Variants in PHTF2 observed in about 807,000 individuals in gnomAD.
The protein encoded by PHTF2 is putative homeodomain transcription factor 2.
PHTF2 carries 60 observed loss-of-function variants against 101.2 expected under a neutral mutation model. The observed-to-expected ratio is 0.59, with a 90% confidence interval of 0.48 to 0.73. PHTF2 has a LOEUF of 0.73. PHTF2 is among the 30% of genes least tolerant of loss of function. PHTF2 has a pLI of 0.00. For missense variants in PHTF2, 747 were observed against 908.7 expected (o/e 0.82, Z 2.29); for synonymous variants, 311 against 307.3 (o/e 1.01, Z -0.13).
intron 7 of PHTF2, among the ~76,000 whole-genome samples, chr7:77,905,365 A>G (rs1801758778): frequency 6.6e-6 from 1 of 152,010 alleles, no homozygotes; most frequent in African/African-American, 2.4e-5. Context: ...AGCTAGGACT[A>G]TAGGAGCACG....
chr7:77,817,475 C>T (rs190514816), intron 1 of PHTF2, among the ~76,000 whole-genome samples: 86 of 152,278 alleles, frequency 5.6e-4, no homozygotes, highest in African/African-American at 2.0e-3. Context: ...TCCTTCTTCA[C>T]ATGGCAGCAG....
intron 3 of PHTF2, chr7:77,854,847 A>G: frequency 1.3e-6 from 1 of 756,156 alleles, no homozygotes; most frequent in Admixed American, 1.7e-5. Context: ...GAGTAATGCC[A>G]GGCCTGTTCT....
intron 3 of PHTF2, among the ~76,000 whole-genome samples, chr7:77,876,261 C>T (rs574272871): frequency 5.0e-4 from 76 of 152,332 alleles, no homozygotes; most frequent in African/African-American, 1.7e-3. Context: ...CCAGCAAATG[C>T]TTAATAAATG....
At chr7:77,903,842 T>G (rs1056475131) in intron 7 of PHTF2, among the ~76,000 whole-genome samples, 5 of 152,248 alleles carry the variant, frequency 3.3e-5, no homozygotes, top group Admixed American at 3.3e-4. Flanking sequence ...TGCAGTGCTC[T>G]GAGTTATGTC....
At chr7:77,937,345 A>G (rs898234500) in intron 12 of PHTF2, among the ~76,000 whole-genome samples, 9 of 152,230 alleles carry the variant, frequency 5.9e-5, no homozygotes, top group South Asian at 2.1e-4. Context: ...TAGACTGACA[A>G]CTAAGTACTT....
chr7:77,853,714 TTCTC>T (rs1251162228), intron 2 of PHTF2, among the ~76,000 whole-genome samples: 1 of 151,896 alleles, frequency 6.6e-6, no homozygotes, highest in African/African-American at 2.4e-5. Context: ...AGATTTTTTT[TTCTC>T]TCTCTCTCTT....
At chr7:77,932,621 A>AGAGAGTGTGT (rs759880633) in intron 12 of PHTF2, among the ~76,000 whole-genome samples, 5 of 118,560 alleles carry the variant, frequency 4.2e-5, no homozygotes, top group African/African-American at 1.8e-4. Context: ...AGAGAGAGAG[A>AGAGAGTGTGT]GTGTGTGTGT....
chr7:77,952,799 T>G (rs1162746180), intron 18 of PHTF2, among the ~76,000 whole-genome samples: 1 of 152,202 alleles, frequency 6.6e-6, no homozygotes, highest in Non-Finnish European at 1.5e-5. Context: ...TAGTCAGAAA[T>G]CTGGGACTTA....
At chr7:77,882,356 T>C (rs1799490040) in intron 3 of PHTF2, among the ~76,000 whole-genome samples, 1 of 147,526 alleles carries the variant, frequency 6.8e-6, no homozygotes, top group Non-Finnish European at 1.5e-5. Context: ...TTTCAAATCT[T>C]AAAAAAAAAA....
At chr7:77,935,144 G>C (rs1486056219) in intron 12 of PHTF2, among the ~76,000 whole-genome samples, 2 of 127,286 alleles carry the variant, frequency 1.6e-5, no homozygotes, top group Admixed American at 8.4e-5. Flanking sequence ...CACACACACA[G>C]AGGAATATAG....
chr7:77,816,764 T>G (rs1286297966), intron 1 of PHTF2, among the ~76,000 whole-genome samples: 1 of 152,194 alleles, frequency 6.6e-6, no homozygotes, highest in Non-Finnish European at 1.5e-5. Flanking sequence ...TCCATTCTAC[T>G]TTTTACTTCT....
chr7:77,861,422 T>C (rs1480558435), intron 3 of PHTF2, among the ~76,000 whole-genome samples: 3 of 152,208 alleles, frequency 2.0e-5, no homozygotes, highest in Admixed American at 6.5e-5. Context: ...GTATTTTTTT[T>C]TAAATGATCA....
chr7:77,819,246 C>A (rs186823325), intron 1 of PHTF2, among the ~76,000 whole-genome samples: 1 of 152,276 alleles, frequency 6.6e-6, no homozygotes, highest in Non-Finnish European at 1.5e-5. Context: ...TGACTAATTG[C>A]TCCAACTAGG....
At chr7:77,870,889 C>A (rs1798460557) in intron 3 of PHTF2, among the ~76,000 whole-genome samples, 1 of 152,074 alleles carries the variant, frequency 6.6e-6, no homozygotes, top group Non-Finnish European at 1.5e-5. Context: ...GATGTGAAGT[C>A]AATAAATCTT....
chr7:77,923,635 G>A, intron 11 of PHTF2: 3 of 984,694 alleles, frequency 3.0e-6, no homozygotes, highest in Non-Finnish European at 3.6e-6. Flanking sequence ...CAGTGTGTCT[G>A]CTCTATTGCC....
At chr7:77,818,437 A>G (rs1794024035) in intron 1 of PHTF2, among the ~76,000 whole-genome samples, 1 of 152,244 alleles carries the variant, frequency 6.6e-6, no homozygotes, top group Non-Finnish European at 1.5e-5. Context: ...ATTTTTGTAT[A>G]GGATGAGAGA....
At chr7:77,865,104 C>G (rs941377848) in intron 3 of PHTF2, among the ~76,000 whole-genome samples, 2 of 152,036 alleles carry the variant, frequency 1.3e-5, no homozygotes, top group Non-Finnish European at 2.9e-5. Flanking sequence ...TGCATGGAGA[C>G]AGGGAAAGCT....
At chr7:77,939,986 T>C (rs1297300918) in intron 13 of PHTF2, 44 bp from the exon 13 acceptor site, 18 of 1,415,382 alleles carry the variant, frequency 1.3e-5, no homozygotes, top group Non-Finnish European at 1.7e-5. Context: ...ATTTATGGTA[T>C]AATTTTATTT....
At chr7:77,949,528 T>C in intron 16 of PHTF2, 150 bp from the exon 16 acceptor site, 2 of 554,634 alleles carry the variant, frequency 3.6e-6, no homozygotes, top group South Asian at 4.9e-5. Flanking sequence ...TTATACTCTA[T>C]ACTTTTGATA....
Sources: gnomAD v4.1 joint callset for allele counts (sites outside exome capture counted in the v4.1 genomes callset) on GRCh38, gnomAD v4.1.1 for gene constraint, MANE v1.5 for transcripts, NCBI Gene and HGNC (gene_info 2026-07-23, HGNC 2026-07-21) for gene names.